PTPRD: variants seen among roughly 807,000 people sequenced by gnomAD.
PTPRD encodes the protein receptor-type tyrosine-protein phosphatase delta.
PTPRD carries 34 observed loss-of-function variants against 214.5 expected under a neutral mutation model. That is an observed-to-expected ratio of 0.16 (90% CI 0.12 to 0.21). PTPRD has a LOEUF of 0.21. PTPRD is among the 10% of genes least tolerant of loss of function. The probability of loss-of-function intolerance (pLI) is 1.00; values close to 1 mark genes in which losing one functional copy is unlikely to be tolerated. For synonymous variants in PTPRD, 1,128 were observed against 845.7 expected (o/e 1.33, Z -5.79); for missense variants, 2,545 against 2,398.7 (o/e 1.06, Z -1.27).
chr9:9,060,950 A>C (rs1456157108), intron 10 of PTPRD, among the ~76,000 whole-genome samples: 2 of 152,206 alleles, frequency 1.3e-5, no homozygotes, highest in East Asian at 3.8e-4. Context: ...AGCTACTTGC[A>C]GCACTGTGGA....
At chr9:10,229,759 G>C (rs564934625) in intron 3 of PTPRD, among the ~76,000 whole-genome samples, 1 of 151,758 alleles carries the variant, frequency 6.6e-6, no homozygotes, top group Non-Finnish European at 1.5e-5. Context: ...GCTAAATGAC[G>C]AGTTAATGGG....
chr9:8,912,298 T>G (rs1298550373), intron 11 of PTPRD, among the ~76,000 whole-genome samples: 1 of 152,148 alleles, frequency 6.6e-6, no homozygotes, highest in Admixed American at 6.5e-5. Flanking sequence ...TTATATATAC[T>G]TGGAATGGAG....
chr9:10,032,191 T>C (rs1415327522), intron 4 of PTPRD, among the ~76,000 whole-genome samples: 1 of 152,210 alleles, frequency 6.6e-6, no homozygotes. Flanking sequence ...GGTTCACACA[T>C]GCAGAAATAA....
At chr9:9,012,228 C>T (rs752147877) in intron 11 of PTPRD, among the ~76,000 whole-genome samples, 1 of 152,140 alleles carries the variant, frequency 6.6e-6, no homozygotes, top group Non-Finnish European at 1.5e-5. Flanking sequence ...GGAAGAGAAT[C>T]CATCACCAGT....
At chr9:10,139,151 T>A (rs1279561462) in intron 3 of PTPRD, among the ~76,000 whole-genome samples, 1 of 152,016 alleles carries the variant, frequency 6.6e-6, no homozygotes, top group Non-Finnish European at 1.5e-5. Context: ...CCAGGAAGAT[T>A]CCCCCAAAAG....
At position 10,354,987 on chromosome 9, in the gene PTPRD, C is replaced by T. The variant is rs555951447; in HGVS notation, c.-599-13970G>A. Among the ~76,000 whole-genome samples, 6 of 152,234 alleles carry T rather than the reference C, an allele frequency of 3.9e-5. No homozygotes were observed. The South Asian group carries it at 1.2e-3, about 32-fold the overall frequency. Reference sequence around the variant, plus strand: ...ATTGTATTTGCTAAATAGATGTATACTTCCTCATGCAAGGCTTATAAATGT... The same window carrying T: ...ATTGTATTTGCTAAATAGATGTATATTTCCTCATGCAAGGCTTATAAATGT... On this transcript the variant is annotated intron_variant, in intron 2 of 45. Coordinates refer to ENST00000381196, the MANE Select transcript of PTPRD (RefSeq NM_002839.4).
At chr9:9,340,135 G>C (rs752443563) in intron 9 of PTPRD, among the ~76,000 whole-genome samples, 3 of 152,048 alleles carry the variant, frequency 2.0e-5, no homozygotes, top group Non-Finnish European at 4.4e-5. Flanking sequence ...TCTAGAAACC[G>C]CTAAAGACAG....
chr9:8,439,303 G>C lies in PTPRD; in HGVS notation c.3989-2614C>G, dbSNP rs1372916231. Among the ~76,000 whole-genome samples the C allele has an allele frequency of 5.9e-5, 9 of 152,142 alleles. No homozygotes were observed. The South Asian group carries it at 1.9e-3, about 32-fold the overall frequency. ...TTGATTTCTTTAACTGTTAAAATAA[G>C]AGTATAGAACTAGATAAATTCAAGA... On this transcript the variant is annotated intron_variant, in intron 34 of 45. Transcript: ENST00000381196.
At chr9:8,603,333 T>G (rs1382839070) in intron 14 of PTPRD, among the ~76,000 whole-genome samples, 1 of 152,172 alleles carries the variant, frequency 6.6e-6, no homozygotes, top group Admixed American at 6.6e-5. Context: ...AATCTAAGTT[T>G]TCTTAAATAT....
chr9:8,668,641 G>GA (rs1335508546), intron 12 of PTPRD, among the ~76,000 whole-genome samples: 2 of 152,086 alleles, frequency 1.3e-5, no homozygotes, highest in Non-Finnish European at 2.9e-5. Context: ...ACTACTAGAA[G>GA]AAAAAATGCA....
chr9:10,170,388 C>T (rs1437369978), intron 3 of PTPRD, among the ~76,000 whole-genome samples: 1 of 152,080 alleles, frequency 6.6e-6, no homozygotes, highest in Non-Finnish European at 1.5e-5. Context: ...AAAATAAAAT[C>T]GTGTTTTAGA....
intron 7 of PTPRD, among the ~76,000 whole-genome samples, chr9:9,601,330 T>C (rs533213344): frequency 6.6e-6 from 1 of 152,194 alleles, no homozygotes; most frequent in Non-Finnish European, 1.5e-5. Flanking sequence ...CACTGATAGT[T>C]GCTAATTTTC....
At chr9:8,599,613 C>CCT (rs2094698008) in intron 14 of PTPRD, among the ~76,000 whole-genome samples, 4 of 53,428 alleles carry the variant, frequency 7.5e-5, no homozygotes, top group Admixed American at 2.1e-4. Flanking sequence ...CCCGCCCACC[C>CCT]TTTTTTTTTT....
intron 2 of PTPRD, among the ~76,000 whole-genome samples, chr9:10,342,151 A>C (rs535475676): frequency 6.6e-6 from 1 of 152,058 alleles, no homozygotes; most frequent in Non-Finnish European, 1.5e-5. Flanking sequence ...ATTAGTATGG[A>C]CTTCACTTTC....
intron 2 of PTPRD, among the ~76,000 whole-genome samples, chr9:10,484,467 T>C (rs1411706223): frequency 6.6e-6 from 1 of 152,120 alleles, no homozygotes; most frequent in Non-Finnish European, 1.5e-5. Context: ...CTCCAAGCTG[T>C]TTTCCATAGT....
At chr9:10,173,122 T>C (rs1007183963) in intron 3 of PTPRD, among the ~76,000 whole-genome samples, 4 of 152,294 alleles carry the variant, frequency 2.6e-5, no homozygotes, top group African/African-American at 4.8e-5. Flanking sequence ...AGCGTATGAT[T>C]ACAGATGGCA....
intron 9 of PTPRD, among the ~76,000 whole-genome samples, chr9:9,209,237 T>C (rs532190198): frequency 6.6e-6 from 1 of 152,264 alleles, no homozygotes; most frequent in South Asian, 2.1e-4. Context: ...TAGAAATATA[T>C]ATTAAAAGAC....
intron 9 of PTPRD, among the ~76,000 whole-genome samples, chr9:9,330,580 C>T (rs1347582043): frequency 3.9e-5 from 6 of 152,120 alleles, no homozygotes; most frequent in African/African-American, 9.6e-5. Context: ...CTGTTCAGTA[C>T]ATCTTTAATC....
intron 2 of PTPRD, among the ~76,000 whole-genome samples, chr9:10,454,107 TG>T (rs2098882937): frequency 2.0e-5 from 3 of 148,626 alleles, no homozygotes; most frequent in South Asian, 4.2e-4. Flanking sequence ...TCTGTTTCTA[TG>T]AAAAAAATAG....
Sources: allele counts gnomAD v4.1 joint callset (sites outside exome capture counted in the v4.1 genomes callset), GRCh38; gene constraint gnomAD v4.1.1; transcripts MANE v1.5; gene names NCBI Gene and HGNC (gene_info 2026-07-23, HGNC 2026-07-21).